ACOT1: variants seen among roughly 807,000 people sequenced by gnomAD.
ACOT1 encodes the protein acyl-CoA thioesterase 1.
A neutral mutation model predicts 15.7 loss-of-function variants in ACOT1; 8 were observed. The ratio of observed to expected loss-of-function variants is 0.51; its 90% CI spans 0.30 to 0.92. ACOT1 has a LOEUF of 0.92. Among genes scored for constraint, ACOT1 ranks in the 40% least tolerant of loss-of-function variants. The pLI is 0.06. For missense variants in ACOT1, 151 were observed against 539.4 expected, an observed-to-expected ratio of 0.28 and a Z score of 7.13; for synonymous variants, 67 against 241.2, an observed-to-expected ratio of 0.28 and a Z score of 6.69.
At chr14:73,493,509 G>A in the ACOT1 span, 1 of 208,030 alleles carries the variant, frequency 4.8e-6, no homozygotes, top group African/African-American at 2.4e-5. Context: ...GGTGGTTGTA[G>A]CATGTAAAAG....
the ACOT1 span, chr14:73,530,396 C>T: frequency 7.6e-6 from 1 of 130,846 alleles, no homozygotes; most frequent in Admixed American, 8.4e-5. Flanking sequence ...AAAGCACAGC[C>T]CAAAGGGTGT....
the ACOT1 span, chr14:73,491,841 T>G: frequency 6.2e-7 from 1 of 1,608,710 alleles, no homozygotes; most frequent in African/African-American, 1.3e-5. Flanking sequence ...CGCGAGACCC[T>G]GAACCCACCC....
chr14:73,523,225 C>G, the ACOT1 span: 1 of 1,420,522 alleles, frequency 7.0e-7, no homozygotes, highest in South Asian at 1.4e-5. Flanking sequence ...GACCTGGCAC[C>G]TGTTAAGGGA....
At chr14:73,511,833 A>C in the ACOT1 span, among the ~76,000 whole-genome samples, 1 of 152,238 alleles carries the variant, frequency 6.6e-6, no homozygotes, top group East Asian at 1.9e-4. Flanking sequence ...AGAAGTCTGG[A>C]ATTTTAATCT....
chr14:73,505,286 G>A, the ACOT1 span, among the ~76,000 whole-genome samples: 1 of 151,988 alleles, frequency 6.6e-6, no homozygotes, highest in Non-Finnish European at 1.5e-5. Flanking sequence ...TTTTAAAAGG[G>A]TACCTTATAT....
the ACOT1 span, chr14:73,522,620 G>A: frequency 6.2e-7 from 1 of 1,614,240 alleles, no homozygotes. Context: ...TAGAGAAGGT[G>A]GCCGACCCAG....
the ACOT1 span, chr14:73,499,023 G>A: frequency 6.6e-7 from 1 of 1,509,254 alleles, no homozygotes; most frequent in Non-Finnish European, 9.2e-7. Flanking sequence ...ACTTGCATAG[G>A]CAAAGGTATT....
At chr14:73,492,016 C>A in the ACOT1 span, 2 of 1,614,042 alleles carry the variant, frequency 1.2e-6, no homozygotes, top group East Asian at 4.5e-5. This position sits in a 1 kb window ranked among gnomAD's most constrained non-coding sequence, Gnocchi z 4.9. Context: ...CGCCCCCTAA[C>A]TCGCAGGGCT....
At chr14:73,521,975 G>C in the ACOT1 span, among the ~76,000 whole-genome samples, 1 of 152,240 alleles carries the variant, frequency 6.6e-6, no homozygotes, top group Non-Finnish European at 1.5e-5. Context: ...CAGTGTCTGA[G>C]ACATCTTTGG....
the ACOT1 span, chr14:73,492,509 G>A: frequency 6.2e-7 from 1 of 1,613,422 alleles, no homozygotes; most frequent in Non-Finnish European, 8.5e-7. The surrounding 1 kb of genome is among the most constrained non-coding windows in gnomAD (Gnocchi z 4.9). Flanking sequence ...TGATGCTGTG[G>A]CCGACCAGCG....
the ACOT1 span, chr14:73,498,270 G>C: frequency 1.9e-6 from 3 of 1,613,966 alleles, no homozygotes; most frequent in Non-Finnish European, 8.5e-7. Context: ...CGTACACCTG[G>C]TGACTCTTCA....
the ACOT1 span, among the ~76,000 whole-genome samples, chr14:73,494,979 C>G: frequency 1.3e-5 from 2 of 151,768 alleles, no homozygotes; most frequent in Non-Finnish European, 2.9e-5. Flanking sequence ...CTTTTTTGAC[C>G]TAACTTTTAA....
chr14:73,506,804 G>GTTTTTTTTTTTTTTTTTTTTT, the ACOT1 span, among the ~76,000 whole-genome samples: 233 of 80,476 alleles, frequency 2.9e-3, 38 homozygotes, highest in East Asian at 0.013. Context: ...GACTTTAACT[G>GTTTTTTTTTTTTTTTTTTTTT]TTTTTTTTTT....
At chr14:73,498,019 G>T in the ACOT1 span, 1 of 720,256 alleles carries the variant, frequency 1.4e-6, no homozygotes, top group Non-Finnish European at 2.3e-6. Flanking sequence ...CTACTTGGGT[G>T]AGTGGTGAAT....
the ACOT1 span, chr14:73,521,138 C>A: frequency 2.9e-6 from 3 of 1,038,178 alleles, no homozygotes; most frequent in African/African-American, 4.8e-5. Flanking sequence ...TCTTTAAGCT[C>A]AGCTCCTATA....
chr14:73,491,427 C>CTG, the ACOT1 span: 9 of 1,354,342 alleles, frequency 6.6e-6, no homozygotes, highest in East Asian at 1.8e-4. Context: ...GAGGTGCCCG[C>CTG]CGCGCCGGTC....
the ACOT1 span, among the ~76,000 whole-genome samples, chr14:73,527,751 G>A: frequency 2.0e-4 from 30 of 152,030 alleles, 2 homozygotes; most frequent in South Asian, 6.2e-3. Context: ...GCCAAGGCAG[G>A]TGGATCACCT....
chr14:73,524,310 A>AAAAAAAAAAATATAT, the ACOT1 span, among the ~76,000 whole-genome samples: 16 of 54,776 alleles, frequency 2.9e-4, 1 homozygote, highest in African/African-American at 1.4e-3. Flanking sequence ...AAAAAAAAAA[A>AAAAAAAAAAATATAT]ATATATATAT....
chr14:73,491,343 C>T, the ACOT1 span: 1,251 of 1,441,424 alleles, frequency 8.7e-4, 2 homozygotes, highest in Middle Eastern at 3.9e-3. Flanking sequence ...CTGGAGGCCT[C>T]GCCCGCCGCG....
Sources: gnomAD v4.1 joint callset for allele counts (sites outside exome capture counted in the v4.1 genomes callset) on GRCh38, gnomAD v4.1.1 for gene constraint, Gnocchi (gnomAD v3.1) non-coding constraint, MANE v1.5 for transcripts, NCBI Gene and HGNC (gene_info 2026-07-23, HGNC 2026-07-21) for gene names.